FOXP1: variants seen among roughly 807,000 people sequenced by gnomAD.
The protein encoded by FOXP1 is forkhead box protein P1.
In FOXP1, 15 loss-of-function variants were observed where a neutral mutation model predicts 98.2. The ratio of observed to expected loss-of-function variants is 0.15; its 90% CI spans 0.10 to 0.24. The LOEUF is 0.24. Among genes scored for constraint, FOXP1 ranks in the 10% least tolerant of loss-of-function variants. The pLI is 1.00. For synonymous variants in FOXP1, 371 were observed against 314.5 expected, an observed-to-expected ratio of 1.18 and a Z score of -1.90; for missense variants, 633 against 848.5, an observed-to-expected ratio of 0.75 and a Z score of 3.15.
chr3:71,189,161 T>C (rs183796683), intron 6 of FOXP1, among the ~76,000 whole-genome samples: 94 of 152,336 alleles, frequency 6.2e-4, no homozygotes, highest in Middle Eastern at 3.4e-3. Context: ...TAATTGCACA[T>C]TGTACTTTTC....
rs182386469 is a variant in FOXP1, at chr3:71,153,500, C to T, written c.181-40863G>A. Among the ~76,000 whole-genome samples the T allele has an allele frequency of 4.3e-4, 65 of 151,684 alleles. No individual in the cohort carries two copies. The East Asian group carries it at 0.01, about 24-fold the overall frequency. On this transcript the variant is annotated intron_variant, in intron 6 of 20. Transcript: ENST00000649528. ...TGACCACAGGCTGCCCCCACTGCCC[C>T]CCGCAATCATCTTGACCCCACCTAA... is the stretch of plus-strand genomic sequence containing the variant.
At chr3:71,302,085 G>A (rs951895004) in intron 4 of FOXP1, among the ~76,000 whole-genome samples, 1 of 152,184 alleles carries the variant, frequency 6.6e-6, no homozygotes, top group African/African-American at 2.4e-5. Flanking sequence ...AAATTTTGGT[G>A]CACATGCACG....
Position 71,323,754 on chromosome 3 carries a change from G to A in FOXP1, c.-72-23874C>T, listed in dbSNP as rs751361146. On this transcript the variant is annotated intron_variant, in intron 4 of 20. Coordinates refer to ENST00000649528, the MANE Select transcript of FOXP1 (RefSeq NM_001349338.3). The stretch of plus-strand genomic sequence containing the variant: ...CAATCTTGACAAAGTAAATATTTCC[G>A]TAAAACTTCAACCTATGGGAACAAT... 1.7e-4 allele frequency among the ~76,000 whole-genome samples: 26 copies of A among 152,296 alleles called. 1 individual carries two copies. The highest frequency in any genetic ancestry group is 3.4e-3 in the Middle Eastern group (1 of 294).
At chr3:71,399,832 A>G (rs1481675648) in intron 3 of FOXP1, among the ~76,000 whole-genome samples, 2 of 152,200 alleles carry the variant, frequency 1.3e-5, no homozygotes, top group African/African-American at 4.8e-5. Flanking sequence ...TTACTGGGAA[A>G]TCTTTCCATG....
intron 4 of FOXP1, among the ~76,000 whole-genome samples, chr3:71,345,315 A>C (rs578021172): frequency 2.0e-5 from 3 of 151,644 alleles, no homozygotes; most frequent in Admixed American, 2.0e-4. Context: ...TTGAACCCAG[A>C]AGGCAGAGGT....
At chr3:71,057,291 CTTTTTTTTTTTTTTTTTTTT>C (rs10670020) in intron 7 of FOXP1, among the ~76,000 whole-genome samples, 30 of 7,492 alleles carry the variant, frequency 4.0e-3, no homozygotes, top group East Asian at 0.013. Context: ...AAAAACGAAA[CTTTTTTTTTTTTTTTTTTTT>C]TTTTTTTTTT....
intron 3 of FOXP1, among the ~76,000 whole-genome samples, chr3:71,369,476 C>A (rs1208255782): frequency 2.0e-5 from 3 of 152,156 alleles, no homozygotes. Context: ...CTCACTGCAA[C>A]CTCTGCCTCC....
intron 1 of FOXP1, 71 bp from the exon 2 acceptor site, chr3:71,581,768 G>A (rs1328681542): frequency 1.0e-6 from 1 of 985,730 alleles, no homozygotes; most frequent in Admixed American, 6.1e-5. Context: ...AACTGAAGGG[G>A]ACGGGACGGG....
At chr3:71,320,266 C>T (rs1199047304) in intron 4 of FOXP1, among the ~76,000 whole-genome samples, 1 of 151,946 alleles carries the variant, frequency 6.6e-6, no homozygotes, top group East Asian at 1.9e-4. Flanking sequence ...TTTCTAAGGC[C>T]CGGAAGGCCA....
chr3:70,993,943 G>A (rs1286672961), intron 13 of FOXP1, among the ~76,000 whole-genome samples: 1 of 150,894 alleles, frequency 6.6e-6, no homozygotes, highest in African/African-American at 2.4e-5. Flanking sequence ...GCAGTGAGCC[G>A]AGATCCTGCC....
At chr3:71,270,297 A>G (rs892364695) in intron 5 of FOXP1, among the ~76,000 whole-genome samples, 4 of 152,194 alleles carry the variant, frequency 2.6e-5, no homozygotes, top group Non-Finnish European at 4.4e-5. Flanking sequence ...TACTAGTGCT[A>G]TTAGCATTTC....
At chr3:70,998,562 G>A (rs1211167431) in intron 13 of FOXP1, among the ~76,000 whole-genome samples, 1 of 151,986 alleles carries the variant, frequency 6.6e-6, no homozygotes, top group Non-Finnish European at 1.5e-5. Flanking sequence ...CAAACTCCCC[G>A]ACAAAAACAT....
At chr3:71,062,843 T>C (rs760798880) in intron 7 of FOXP1, among the ~76,000 whole-genome samples, 2 of 152,214 alleles carry the variant, frequency 1.3e-5, no homozygotes, top group Non-Finnish European at 2.9e-5. Context: ...CCTCAATAGA[T>C]TTCTTTCTTA....
intron 3 of FOXP1, among the ~76,000 whole-genome samples, chr3:71,419,986 T>C (rs1460055737): frequency 6.6e-6 from 1 of 151,916 alleles, no homozygotes; most frequent in Non-Finnish European, 1.5e-5. Context: ...CCAGCTAATT[T>C]TTGTAATTTT....
intron 5 of FOXP1, among the ~76,000 whole-genome samples, chr3:71,261,869 A>G (rs2069171233): frequency 6.6e-6 from 1 of 152,208 alleles, no homozygotes; most frequent in Non-Finnish European, 1.5e-5. Flanking sequence ...ATAAGAGGGT[A>G]CACAAGTTAC....
chr3:71,575,085 T>C (rs960844367), intron 2 of FOXP1, among the ~76,000 whole-genome samples: 8 of 152,204 alleles, frequency 5.3e-5, no homozygotes, highest in African/African-American at 1.9e-4. Flanking sequence ...ACACAGATGC[T>C]GGCCCCACCC....
At chr3:71,155,082 T>C (rs2060755572) in intron 6 of FOXP1, among the ~76,000 whole-genome samples, 1 of 152,180 alleles carries the variant, frequency 6.6e-6, no homozygotes, top group Admixed American at 6.5e-5. Flanking sequence ...TCAGAGAATT[T>C]AAGATGCTGA....
chr3:71,214,859 A>G (rs1320967528), intron 5 of FOXP1, among the ~76,000 whole-genome samples: 2 of 152,196 alleles, frequency 1.3e-5, no homozygotes, highest in Non-Finnish European at 2.9e-5. Flanking sequence ...AGACTAGTAC[A>G]AGGGATCTGT....
intron 2 of FOXP1, among the ~76,000 whole-genome samples, chr3:71,577,956 G>GA (rs1348365370): frequency 1.3e-5 from 2 of 150,656 alleles, no homozygotes; most frequent in Non-Finnish European, 3.0e-5. Flanking sequence ...CATTTAAAAA[G>GA]AAAAAAAGAA....
Sources: gnomAD v4.1 joint callset for allele counts (sites outside exome capture counted in the v4.1 genomes callset) on GRCh38, gnomAD v4.1.1 for gene constraint, MANE v1.5 for transcripts, NCBI Gene and HGNC (gene_info 2026-07-23, HGNC 2026-07-21) for gene names.